ADAMTS6: variants seen among roughly 807,000 people sequenced by gnomAD.
ADAMTS6 encodes A disintegrin and metalloproteinase with thrombospondin motifs 6.
ADAMTS6 carries 23 observed loss-of-function variants against 144.3 expected under a neutral mutation model. The ratio of observed to expected loss-of-function variants is 0.16; its 90% CI spans 0.11 to 0.23. ADAMTS6 has a LOEUF of 0.23. ADAMTS6 is among the 10% of genes least tolerant of loss of function. The pLI is 1.00. For synonymous variants in ADAMTS6, 444 were observed against 457.5 expected (o/e 0.97, Z 0.38); for missense variants, 999 against 1,379.6 (o/e 0.72, Z 4.37).
At chr5:65,211,475 G>A (rs928577653) in intron 20 of ADAMTS6, among the ~76,000 whole-genome samples, 21 of 151,946 alleles carry the variant, frequency 1.4e-4, no homozygotes, top group African/African-American at 2.7e-4. Flanking sequence ...GTTGGTGGGC[G>A]CCTGTAGTCT....
intron 9 of ADAMTS6, among the ~76,000 whole-genome samples, chr5:65,314,608 A>G (rs553044199): frequency 6.6e-6 from 1 of 152,322 alleles, no homozygotes; most frequent in South Asian, 2.1e-4. Flanking sequence ...TCATATTCAA[A>G]TTGCAGAAAA....
intron 7 of ADAMTS6, among the ~76,000 whole-genome samples, chr5:65,397,891 A>AG (rs1004367064): frequency 1.3e-4 from 19 of 151,590 alleles, no homozygotes; most frequent in Non-Finnish European, 2.5e-4. Flanking sequence ...AAAAAAAAAA[A>AG]AAAAAAGTAT....
chr5:65,447,778 C>T (rs1231312685), intron 7 of ADAMTS6, among the ~76,000 whole-genome samples: 2 of 151,108 alleles, frequency 1.3e-5, no homozygotes, highest in African/African-American at 4.8e-5. Context: ...GATATTTTAA[C>T]TAAAATTATA....
At chr5:65,355,496 T>C (rs774653291) in intron 7 of ADAMTS6, among the ~76,000 whole-genome samples, 1 of 151,874 alleles carries the variant, frequency 6.6e-6, no homozygotes, top group Admixed American at 6.6e-5. Context: ...ACAAGAGAAA[T>C]ACATTTGACC....
chr5:65,412,160 T>A (rs951097212), intron 7 of ADAMTS6, among the ~76,000 whole-genome samples: 2 of 152,138 alleles, frequency 1.3e-5, no homozygotes, highest in African/African-American at 4.8e-5. Flanking sequence ...CAAGAAAAGA[T>A]CTTTAATGCT....
At chr5:65,292,300 G>GT (rs1317028858) in intron 10 of ADAMTS6, among the ~76,000 whole-genome samples, 1 of 151,406 alleles carries the variant, frequency 6.6e-6, no homozygotes, top group Non-Finnish European at 1.5e-5. Flanking sequence ...CATTTCACAT[G>GT]TGAGTAAGTT....
chr5:65,197,994 G>A (rs1388789243), intron 20 of ADAMTS6, among the ~76,000 whole-genome samples: 1 of 152,114 alleles, frequency 6.6e-6, no homozygotes, highest in African/African-American at 2.4e-5. Flanking sequence ...ACTCGTATTT[G>A]TAAATGTTCC....
chr5:65,296,583 G>C (rs1742859492), intron 10 of ADAMTS6, among the ~76,000 whole-genome samples: 1 of 152,240 alleles, frequency 6.6e-6, no homozygotes, highest in East Asian at 1.9e-4. Flanking sequence ...CATCTATAAA[G>C]ATTGTTTTTT....
chr5:65,405,985 C>T lies in ADAMTS6; in HGVS notation c.1073+45490G>A, dbSNP rs530718357. Among the ~76,000 whole-genome samples the T allele has an allele frequency of 1.1e-4, 16 of 152,246 alleles. 1 individual carries two copies. In the South Asian group the frequency reaches 2.5e-3, roughly 24 times the overall value. On this transcript the variant is annotated intron_variant, in intron 7 of 24. Coordinates refer to ENST00000381055, the MANE Select transcript of ADAMTS6 (RefSeq NM_197941.4). ...TGTATAAGAATGCTTGTGATTTTTA[C>T]ACATTGATTTTGTATCCTGAGACTT...
chr5:65,186,711 A>G (rs1485288243), intron 22 of ADAMTS6, among the ~76,000 whole-genome samples: 1 of 152,222 alleles, frequency 6.6e-6, no homozygotes, highest in Non-Finnish European at 1.5e-5. Context: ...CACTGACAGA[A>G]TAATACCAAG....
intron 7 of ADAMTS6, among the ~76,000 whole-genome samples, chr5:65,375,881 G>A (rs181787825): frequency 0.054 from 8,178 of 152,154 alleles, 275 homozygotes; most frequent in East Asian, 0.11. Context: ...ACAATGATAG[G>A]CTGGATTAAG....
At chr5:65,164,177 C>A (rs1010361438) in intron 24 of ADAMTS6, among the ~76,000 whole-genome samples, 1 of 151,790 alleles carries the variant, frequency 6.6e-6, no homozygotes, top group African/African-American at 2.4e-5. Flanking sequence ...GGTGCGCGCA[C>A]CGTGCGCGAG....
intron 10 of ADAMTS6, chr5:65,297,117 C>T (rs1242030689): frequency 1.6e-5 from 7 of 433,890 alleles, no homozygotes; most frequent in East Asian, 1.4e-4. Context: ...CCTGCAAAGC[C>T]GTCGCCGGAA....
Position 65,218,444 on chromosome 5 carries a change from A to C in ADAMTS6, c.2273-2957T>G, listed in dbSNP as rs558726209. Among the ~76,000 whole-genome samples, 24 of 152,342 alleles carry C rather than the reference A, an allele frequency of 1.6e-4. No individual in the cohort carries two copies. The East Asian group carries it at 4.2e-3, about 27-fold the overall frequency. On this transcript the variant is annotated intron_variant, in intron 18 of 24. Coordinates refer to ENST00000381055, the MANE Select transcript of ADAMTS6 (RefSeq NM_197941.4). ...CAACATCCAATGAGAAATTACTACC[A>C]ATGTGGAAAAGGAGGAGAATGTGAT...
At position 65,454,342 on chromosome 5, in the gene ADAMTS6, G is replaced by A. The variant is rs769526492; in HGVS notation, c.632-1424C>T. ...TGAGAAATGAGGTGGAAATGATCAT[G>A]AGACCCATCAGTTAAATACTCCTGA... On this transcript the variant is annotated intron_variant, in intron 4 of 24. Coordinates refer to ENST00000381055, the MANE Select transcript of ADAMTS6 (RefSeq NM_197941.4). Among the ~76,000 whole-genome samples the A allele has an allele frequency of 2.6e-5, 4 of 152,196 alleles. No individual in the cohort carries two copies. The East Asian group carries it at 7.7e-4, about 29-fold the overall frequency.
chr5:65,347,489 C>T (rs899419331), intron 7 of ADAMTS6, among the ~76,000 whole-genome samples: 4 of 151,752 alleles, frequency 2.6e-5, no homozygotes, highest in Non-Finnish European at 5.9e-5. Flanking sequence ...ACACCGTATA[C>T]AAAAATCAAC....
chr5:65,409,617 A>G (rs181815547), intron 7 of ADAMTS6, among the ~76,000 whole-genome samples: 21 of 152,308 alleles, frequency 1.4e-4, no homozygotes, highest in African/African-American at 5.1e-4. Context: ...CAATCAGTAG[A>G]AAAAGAAGAA....
intron 7 of ADAMTS6, among the ~76,000 whole-genome samples, chr5:65,440,102 C>A (rs559421856): frequency 6.6e-6 from 1 of 152,260 alleles, no homozygotes; most frequent in Non-Finnish European, 1.5e-5. Flanking sequence ...GCCACCATAC[C>A]CAGCTGAGAA....
rs187214490 is a variant in ADAMTS6, at chr5:65,369,211, A to G, written c.1074-35126T>C. On this transcript the variant is annotated intron_variant, in intron 7 of 24. Coordinates refer to ENST00000381055, the MANE Select transcript of ADAMTS6 (RefSeq NM_197941.4). The stretch of plus-strand genomic sequence containing the variant: ...CTCCAGCCTGAGTGAGATCCTCTCT[A>G]AAAAGCAAACCCTAATAACAAAAAA... Among the ~76,000 whole-genome samples the G allele has an allele frequency of 7.2e-5, 11 of 152,330 alleles. No individual in the cohort carries two copies. In the South Asian group the frequency reaches 1.5e-3, roughly 20 times the overall value.
Sources: gnomAD v4.1 joint callset for allele counts (sites outside exome capture counted in the v4.1 genomes callset) on GRCh38, gnomAD v4.1.1 for gene constraint, MANE v1.5 for transcripts, NCBI Gene and HGNC (gene_info 2026-07-23, HGNC 2026-07-21) for gene names.